FBN1: variants seen among roughly 807,000 people sequenced by gnomAD.
FBN1 encodes the protein fibrillin-1.
FBN1 carries 29 observed loss-of-function variants against 365.1 expected under a neutral mutation model. The observed-to-expected ratio is 0.08, with a 90% CI of 0.06 to 0.11. FBN1 has a LOEUF of 0.11. Among genes scored for constraint, FBN1 ranks in the 10% least tolerant of loss-of-function variants. The pLI is 1.00. For synonymous variants in FBN1, 1,210 were observed against 1,270.5 expected (o/e 0.95, Z 1.01); for missense variants, 2,476 against 3,703.2 (o/e 0.67, Z 8.60).
intron 6 of FBN1, among the ~76,000 whole-genome samples, chr15:48,568,141 CAAAAA>C (rs36008742): frequency 3.8e-5 from 3 of 79,000 alleles, no homozygotes; most frequent in East Asian, 3.3e-4. Context: ...AGGAATCTAC[CAAAAA>C]AAAAAAAAAA....
At chr15:48,516,930 A>G (rs1437257687) in intron 10 of FBN1, among the ~76,000 whole-genome samples, 1 of 152,164 alleles carries the variant, frequency 6.6e-6, no homozygotes, top group Non-Finnish European at 1.5e-5. Context: ...ACAAATCTGA[A>G]GCACATTTTA....
At position 48,529,910 on chromosome 15, in the gene FBN1, G is replaced by A. The variant is rs112465284; in HGVS notation, c.863-3655C>T. Among the ~76,000 whole-genome samples the A allele has an allele frequency of 6.1e-5, 8 of 130,092 alleles. No individual in the cohort carries two copies. In the East Asian group the frequency reaches 1.4e-3, roughly 23 times the overall value. 85.3% of individuals were successfully genotyped at this position (130,092 alleles called of 152,430 possible). ...CTGAATTCTTATCCATGCTGCATCCGCCGCCCGATCACAACTTGAAAATGG... is the reference window on the plus strand; with the variant it reads ...CTGAATTCTTATCCATGCTGCATCCACCGCCCGATCACAACTTGAAAATGG... On this transcript the variant is annotated intron_variant, in intron 8 of 65. Coordinates refer to ENST00000316623, the MANE Select transcript of FBN1 (RefSeq NM_000138.5).
At chr15:48,533,305 T>C (rs1316299510) in intron 8 of FBN1, among the ~76,000 whole-genome samples, 1 of 152,186 alleles carries the variant, frequency 6.6e-6, no homozygotes, top group Non-Finnish European at 1.5e-5. Flanking sequence ...TGTTACACTA[T>C]TGTTGGACAT....
intron 10 of FBN1, among the ~76,000 whole-genome samples, chr15:48,518,187 C>A (rs1377327170): frequency 6.6e-6 from 1 of 152,182 alleles, no homozygotes; most frequent in African/African-American, 2.4e-5. Flanking sequence ...TGTCTCAATC[C>A]TGTTTGTCAA....
At chr15:48,428,223 A>T in intron 57 of FBN1, 123 bp downstream of exon 57, 1 of 1,296,862 alleles carries the variant, frequency 7.7e-7, no homozygotes, top group Non-Finnish European at 1.1e-6. Context: ...TCTCCAAAAT[A>T]TGAACATTTT....
intron 44 of FBN1, among the ~76,000 whole-genome samples, chr15:48,455,501 A>C (rs903145009): frequency 2.0e-5 from 3 of 152,128 alleles, no homozygotes; most frequent in African/African-American, 7.2e-5. Context: ...AGAGGGGGAA[A>C]AGTGCGGCTG....
chr15:48,600,095 A>G, intron 5 of FBN1, 44 bp downstream of exon 5: 1 of 1,379,688 alleles, frequency 7.2e-7, no homozygotes, highest in Non-Finnish European at 1.0e-6. Flanking sequence ...ACTTGTCTAC[A>G]AACAGGTTAA....
intron 56 of FBN1, among the ~76,000 whole-genome samples, chr15:48,429,426 G>T (rs1319315545): frequency 6.6e-6 from 1 of 152,156 alleles, no homozygotes; most frequent in African/African-American, 2.4e-5. Flanking sequence ...CAGATTCTTA[G>T]AATTATCTGA....
chr15:48,411,122 T>C lies in FBN1; in HGVS notation c.8484A>G (p.Ser2828=). 1 of 1,614,168 alleles carries C rather than the reference T, an allele frequency of 6.2e-7. No individual in the cohort carries two copies. The highest frequency in any genetic ancestry group is 8.5e-7 in the Non-Finnish European group (1 of 1,180,030). ...AAAGTGGAGTACTACTGATTTGTAA[T>C]GAATAGGTTCCAGCCACTGGCTTCT... ...TKKKPVAGTY[S]LQISSTPLYK... is the part of the protein sequence containing the mutation. The change falls in exon 66 of 66, where the codon TCA becomes TCG. Residue 2828 remains serine, a synonymous_variant. Coordinates refer to ENST00000316623, the MANE Select transcript of FBN1 (RefSeq NM_000138.5).
intron 6 of FBN1, among the ~76,000 whole-genome samples, chr15:48,576,813 C>T (rs1300433662): frequency 6.6e-6 from 1 of 152,028 alleles, no homozygotes; most frequent in South Asian, 2.1e-4. Context: ...AGAACTAGGT[C>T]AGACAGAAAA....
chr15:48,606,272 T>C (rs1033679288), intron 4 of FBN1, among the ~76,000 whole-genome samples: 1 of 152,188 alleles, frequency 6.6e-6, no homozygotes, highest in African/African-American at 2.4e-5. Flanking sequence ...CACAAACTTG[T>C]ACACAAATGT....
intron 56 of FBN1, among the ~76,000 whole-genome samples, chr15:48,429,253 T>A (rs1014439948): frequency 1.3e-5 from 2 of 152,216 alleles, no homozygotes; most frequent in Non-Finnish European, 2.9e-5. Flanking sequence ...ATATCTGTAA[T>A]GGTCAATATT....
chr15:48,492,735 G>T, intron 23 of FBN1, 149 bp from the exon 24 acceptor site: 1 of 667,620 alleles, frequency 1.5e-6, no homozygotes. Context: ...AGAATTTCTA[G>T]GGTGCCTGAA....
At position 48,435,778 on chromosome 15, in the gene FBN1, G is replaced by GTGTATATATGTATA. The variant is rs1555395095; in HGVS notation, c.6497-1066_6497-1065insTATACATATATACA. On this transcript the variant is annotated intron_variant, in intron 53 of 65. Coordinates refer to ENST00000316623, the MANE Select transcript of FBN1 (RefSeq NM_000138.5). ...TGTGTATATATATGTGTATATGTGT[G>GTGTATATATGTATA]TGTGTGTGTGTGTGTGTGTGTGTGT... Among the ~76,000 whole-genome samples, 221 of 141,388 alleles carry GTGTATATATGTATA rather than the reference G, an allele frequency of 1.6e-3. 2 individuals carry two copies. Among genetic ancestry groups the GTGTATATATGTATA allele is most frequent in the African/African-American group, 5.8e-3 (214 of 36,946 alleles). The allele number at this position is 141,388 out of a possible 152,430, so 92.8% of individuals were successfully genotyped here. A position where few individuals can be genotyped will look rare whatever the true frequency, so the allele number is the denominator to read the frequency against.
intron 8 of FBN1, among the ~76,000 whole-genome samples, chr15:48,532,463 T>G (rs1370915819): frequency 1.3e-5 from 2 of 150,726 alleles, no homozygotes; most frequent in Non-Finnish European, 3.0e-5. Context: ...TATAAAGATA[T>G]GTGTGTGTGT....
Position 48,457,408 on chromosome 15 carries a change from A to G in FBN1, c.5297-646T>C, listed in dbSNP as rs536991452. On this transcript the variant is annotated intron_variant, in intron 43 of 65. Coordinates refer to ENST00000316623, the MANE Select transcript of FBN1 (RefSeq NM_000138.5). ...TTCCTTAGCACTCTACATGACAGGT[A>G]GTAAGTGCTCAATTCAAATTTGTTC... Among the ~76,000 whole-genome samples, 8 of 152,328 alleles carry G rather than the reference A, an allele frequency of 5.3e-5. No individual in the cohort carries two copies. In the Middle Eastern group the frequency reaches 0.01, roughly 194 times the overall value.
chr15:48,445,658 G>A (rs989091290), intron 47 of FBN1, among the ~76,000 whole-genome samples, 154 bp from the exon 48 acceptor site: 2 of 152,098 alleles, frequency 1.3e-5, no homozygotes, highest in Admixed American at 6.5e-5. Context: ...GATCTAGTTT[G>A]CAACAACAGA....
chr15:48,545,493 C>T (rs2044087482), intron 6 of FBN1, among the ~76,000 whole-genome samples: 2 of 151,944 alleles, frequency 1.3e-5, no homozygotes, highest in Non-Finnish European at 2.9e-5. Context: ...GATTGCAGTG[C>T]ACTAATATGA....
chr15:48,446,071 AT>A (rs1490273869), intron 47 of FBN1, among the ~76,000 whole-genome samples: 3 of 152,114 alleles, frequency 2.0e-5, no homozygotes, highest in East Asian at 3.8e-4. Context: ...ATATTTAAAA[AT>A]TTTTTGGCTT....
Sources: gnomAD v4.1 joint callset for allele counts (sites outside exome capture counted in the v4.1 genomes callset) on GRCh38, gnomAD v4.1.1 for gene constraint, MANE v1.5 for transcripts, NCBI Gene and HGNC (gene_info 2026-07-23, HGNC 2026-07-21) for gene names.